The following PAPPA variants were observed in gnomAD, a reference collection of about 807,000 sequenced individuals.
The protein encoded by PAPPA is pappalysin-1.
PAPPA carries 60 observed loss-of-function variants against 164.0 expected under a neutral mutation model. That is an observed-to-expected ratio of 0.37 (90% CI 0.30 to 0.45). The LOEUF is 0.45. Ranked by LOEUF, PAPPA falls within the 20% of genes least tolerant of loss-of-function variation. The probability of loss-of-function intolerance (pLI) is 1.00; values close to 1 mark genes in which losing one functional copy is unlikely to be tolerated. For missense variants in PAPPA, 1,782 were observed against 2,087.3 expected, an observed-to-expected ratio of 0.85 and a Z score of 2.85; for synonymous variants, 875 against 814.1, an observed-to-expected ratio of 1.07 and a Z score of -1.27.
intron 1 of PAPPA, among the ~76,000 whole-genome samples, chr9:116,158,650 C>T (rs1252374764): frequency 1.3e-5 from 2 of 152,208 alleles, no homozygotes; most frequent in Non-Finnish European, 2.9e-5. Flanking sequence ...TCTTATTAGA[C>T]ATGATTTTCC....
At chr9:116,236,414 G>T (rs1368724099) in intron 7 of PAPPA, among the ~76,000 whole-genome samples, 1 of 151,654 alleles carries the variant, frequency 6.6e-6, no homozygotes, top group South Asian at 2.1e-4. Context: ...GTGAAACCCC[G>T]TCTCTACTAA....
intron 9 of PAPPA, among the ~76,000 whole-genome samples, chr9:116,292,876 A>C (rs1018100012): frequency 6.6e-6 from 1 of 152,208 alleles, no homozygotes; most frequent in African/African-American, 2.4e-5. Context: ...TTAGGGAAGG[A>C]GAAGCCCTCA....
At chr9:116,192,300 A>T (rs1211836575) in intron 2 of PAPPA, among the ~76,000 whole-genome samples, 2 of 152,172 alleles carry the variant, frequency 1.3e-5, no homozygotes, top group Non-Finnish European at 2.9e-5. Flanking sequence ...GGTAGGGCAT[A>T]AGCCAGGCAG....
At chr9:116,371,287 C>T (rs1846570484) in intron 19 of PAPPA, among the ~76,000 whole-genome samples, 1 of 152,116 alleles carries the variant, frequency 6.6e-6, no homozygotes, top group Non-Finnish European at 1.5e-5. Flanking sequence ...CATGGTGGCG[C>T]ACACCTGTAA....
chr9:116,245,058 C>G (rs1188151315), intron 7 of PAPPA, among the ~76,000 whole-genome samples: 1 of 151,570 alleles, frequency 6.6e-6, no homozygotes, highest in Non-Finnish European at 1.5e-5. Context: ...ACATCTCAGA[C>G]ATAGACAAAT....
At chr9:116,246,013 T>A (rs1844792995) in intron 7 of PAPPA, among the ~76,000 whole-genome samples, 1 of 152,200 alleles carries the variant, frequency 6.6e-6, no homozygotes, top group African/African-American at 2.4e-5. Flanking sequence ...AAGAAAGCAA[T>A]ATTCTATATG....
chr9:116,206,210 A>G (rs1844233635), intron 2 of PAPPA, among the ~76,000 whole-genome samples: 1 of 152,194 alleles, frequency 6.6e-6, no homozygotes, highest in Non-Finnish European at 1.5e-5. Context: ...ACACCTAGAC[A>G]TAAATGTAAG....
chr9:116,237,118 G>T (rs1380844249), intron 7 of PAPPA, among the ~76,000 whole-genome samples: 1 of 152,170 alleles, frequency 6.6e-6, no homozygotes, highest in Non-Finnish European at 1.5e-5. Flanking sequence ...AAGTTCTAGA[G>T]GAAACTTTTA....
rs906007902 is a variant in PAPPA, at chr9:116,400,305, G to A, written c.*3689G>A. The A allele has an allele frequency of 2.6e-5, 4 of 152,208 alleles. No homozygotes were observed. The highest frequency in any genetic ancestry group is 9.6e-5 in the African/African-American group (4 of 41,462). 9.4% of individuals were successfully genotyped at this position (152,208 alleles called of 1,614,324 possible). On this transcript the variant is annotated 3_prime_UTR_variant, in exon 22 of 22. Transcript: ENST00000328252. Reference sequence around the variant, plus strand: ...CACAAACATAAAGATTTCCCTAGAAGACATAGAGTGGGATTTGATAACACT... The same window carrying A: ...CACAAACATAAAGATTTCCCTAGAAAACATAGAGTGGGATTTGATAACACT...
chr9:116,376,154 G>A (rs1180151274), intron 19 of PAPPA, among the ~76,000 whole-genome samples: 1 of 151,696 alleles, frequency 6.6e-6, no homozygotes, highest in Admixed American at 6.6e-5. Context: ...CCAAGTAGCT[G>A]GGACTACAGG....
chr9:116,339,502 G>A (rs1259223756), intron 13 of PAPPA, among the ~76,000 whole-genome samples: 2 of 152,278 alleles, frequency 1.3e-5, no homozygotes, highest in African/African-American at 4.8e-5. Context: ...TCCCCCAGGT[G>A]CCTCATTTCT....
intron 6 of PAPPA, among the ~76,000 whole-genome samples, chr9:116,228,663 G>T (rs1844547256): frequency 6.6e-6 from 1 of 152,124 alleles, no homozygotes; most frequent in Non-Finnish European, 1.5e-5. Flanking sequence ...AAGCAAGAGG[G>T]ATGTCTGGGA....
Position 116,220,147 on chromosome 9 carries a change from A to G in PAPPA, c.2111+18A>G, listed in dbSNP as rs745571463. The G allele has an allele frequency of 1.3e-6, 2 of 1,577,546 alleles. No individual in the cohort carries two copies. The highest frequency in any genetic ancestry group is 1.7e-6 in the Non-Finnish European group (2 of 1,152,206). On this transcript the variant is annotated intron_variant, in intron 5 of 21. Coordinates refer to ENST00000328252, the MANE Select transcript of PAPPA (RefSeq NM_002581.5). The stretch of plus-strand genomic sequence containing the variant: ...TTTGAAAGGTGAGTGTGCCCTGTGT[A>G]GTGTTGATCCCTCTCTCTCTCTCCT...
At chr9:116,378,415 G>T (rs1489574319) in intron 20 of PAPPA, among the ~76,000 whole-genome samples, 1 of 152,114 alleles carries the variant, frequency 6.6e-6, no homozygotes, top group Non-Finnish European at 1.5e-5. Context: ...TGAAAAAGCG[G>T]CCCCAAATCC....
At chr9:116,285,181 T>TTTTC (rs1219511985) in intron 9 of PAPPA, among the ~76,000 whole-genome samples, 2 of 141,550 alleles carry the variant, frequency 1.4e-5, no homozygotes, top group African/African-American at 5.2e-5. Flanking sequence ...CTTTTTTTTT[T>TTTTC]TTTTTTTTTG....
At position 116,207,607 on chromosome 9, in the gene PAPPA, T is replaced by C; in HGVS notation, c.1624+6T>C. 1 of 1,609,654 alleles carries C rather than the reference T, an allele frequency of 6.2e-7. No individual in the cohort carries two copies. The highest frequency in any genetic ancestry group is 1.1e-5 in the South Asian group (1 of 90,232). ...GGAGGCCCTGATGCACTTAGGTGAGTCTTAGAAACTCCTTCAGGAGGCAAC... is the reference window on the plus strand; with the variant it reads ...GGAGGCCCTGATGCACTTAGGTGAGCCTTAGAAACTCCTTCAGGAGGCAAC... On this transcript the variant is annotated splice_donor_region_variant and intron_variant, in intron 3 of 21. Transcript: ENST00000328252.
intron 21 of PAPPA, among the ~76,000 whole-genome samples, chr9:116,383,654 C>A (rs1846763431): frequency 6.6e-6 from 1 of 152,164 alleles, no homozygotes; most frequent in African/African-American, 2.4e-5. Context: ...TGGGACAAGA[C>A]CCAAGGAACA....
In PAPPA at chr9:116,211,950, G is replaced by A. The variant is rs757414571; in HGVS notation, c.1918+18G>A. On this transcript the variant is annotated intron_variant, in intron 4 of 21. Coordinates refer to ENST00000328252, the MANE Select transcript of PAPPA (RefSeq NM_002581.5). ...CTATGCAGGTAGGGCCCTACACTCTGTAGGGTGAACAGGTCTGGATGTCAG... is the reference window on the plus strand; with the variant it reads ...CTATGCAGGTAGGGCCCTACACTCTATAGGGTGAACAGGTCTGGATGTCAG... The A allele has an allele frequency of 5.0e-6, 8 of 1,608,734 alleles. No individual in the cohort carries two copies. The Admixed American group carries it at 1.2e-4, about 24-fold the overall frequency.
chr9:116,184,944 C>T (rs1288419342), intron 1 of PAPPA, among the ~76,000 whole-genome samples: 1 of 152,044 alleles, frequency 6.6e-6, no homozygotes, highest in East Asian at 1.9e-4. Flanking sequence ...GAAAACAGTT[C>T]GGCAGAGAGG....
Sources: allele counts gnomAD v4.1 joint callset (sites outside exome capture counted in the v4.1 genomes callset), GRCh38; gene constraint gnomAD v4.1.1; transcripts MANE v1.5; gene names NCBI Gene and HGNC (gene_info 2026-07-23, HGNC 2026-07-21).